The following UBAP2L variants were observed in gnomAD, a reference collection of about 807,000 sequenced individuals.
UBAP2L encodes ubiquitin-associated protein 2-like.
In UBAP2L, 12 loss-of-function variants were observed where a neutral mutation model predicts 130.6. That is an observed-to-expected ratio of 0.09 (90% CI 0.06 to 0.15). The LOEUF (loss-of-function observed/expected upper bound fraction) is 0.15, where lower values mean the gene tolerates loss of function less well. Among genes scored for constraint, UBAP2L ranks in the 10% least tolerant of loss-of-function variants. UBAP2L has a pLI of 1.00. For synonymous variants in UBAP2L, 503 were observed against 524.7 expected, an observed-to-expected ratio of 0.96 and a Z score of 0.57; for missense variants, 965 against 1,332.5, an observed-to-expected ratio of 0.72 and a Z score of 4.29.
intron 21 of UBAP2L, chr1:154,259,693 A>G (rs1284966225): frequency 3.3e-6 from 2 of 598,154 alleles, no homozygotes; most frequent in East Asian, 3.0e-5. Context: ...GGTTGAAAAT[A>G]TTGGTCCTCG....
At chr1:154,241,294 G>A (rs546046914) in intron 8 of UBAP2L, among the ~76,000 whole-genome samples, 1 of 152,172 alleles carries the variant, frequency 6.6e-6, no homozygotes, top group African/African-American at 2.4e-5. Context: ...CTCCATGTTG[G>A]TCAGGCTGGT....
rs2148497242 is a variant in UBAP2L at position 154,227,547 on chromosome 1, TG to T, written c.168+189del. ...TCTAATTTTTTGTAGCCCTTTGTTT[TG>T]TTTTTTGTTTTTTTTTCAGATGAAG... On this transcript the variant is annotated intron_variant, in intron 3 of 26. Coordinates refer to ENST00000428931, the MANE Select transcript of UBAP2L (RefSeq NM_014847.4). Among the ~76,000 whole-genome samples, 3 of 148,480 alleles carry T rather than the reference TG, an allele frequency of 2.0e-5. No individual in the cohort carries two copies. The East Asian group carries it at 7.3e-4, about 36-fold the overall frequency.
rs915223563 is a variant in UBAP2L at position 154,270,764 on chromosome 1, T to C, written c.*469T>C. ...CAGATGAATTAGTTGAAGTGGTTTT[T>C]TTTTTGTTTTTTTTTTTTTTTTGTA... On this transcript the variant is annotated 3_prime_UTR_variant, in exon 27 of 27. Transcript: ENST00000428931. 2 of 1,200,406 alleles carry C rather than the reference T, an allele frequency of 1.7e-6. No homozygotes were observed. The highest frequency in any genetic ancestry group is 2.1e-6 in the Non-Finnish European group (2 of 942,902). 74.4% of individuals were successfully genotyped at this position (1,200,406 alleles called of 1,614,324 possible).
intron 1 of UBAP2L, among the ~76,000 whole-genome samples, chr1:154,222,619 A>G (rs560818435): frequency 1.4e-4 from 22 of 152,334 alleles, no homozygotes; most frequent in Admixed American, 3.9e-4. Context: ...TGCAGGGGCC[A>G]TTTCAACAAA....
Position 154,253,692 on chromosome 1 carries a change from A to G in UBAP2L, c.1665-208A>G, listed in dbSNP as rs532403808. 7.9e-5 allele frequency among the ~76,000 whole-genome samples: 12 copies of G among 152,150 alleles called. No individual in the cohort carries two copies. In the South Asian group the frequency reaches 2.5e-3, roughly 32 times the overall value. The stretch of plus-strand genomic sequence containing the variant: ...CGGCCTAGATGTTTTTTTAAGATTA[A>G]TTCTTAATTCAGATCTCTGGCGCTA... On this transcript the variant is annotated intron_variant, in intron 14 of 26. Transcript: ENST00000428931.
At chr1:154,253,797 A>C (rs1678715413) in intron 14 of UBAP2L, 103 bp from the exon 15 acceptor site, 1 of 1,219,836 alleles carries the variant, frequency 8.2e-7, no homozygotes, top group African/African-American at 1.6e-5. Context: ...TTTCTTCTTG[A>C]TTCAAATCAA....
intron 25 of UBAP2L, among the ~76,000 whole-genome samples, chr1:154,267,963 C>T (rs187580228): frequency 1.4e-4 from 19 of 132,424 alleles, no homozygotes; most frequent in African/African-American, 4.2e-4. Context: ...GATCTGGGCT[C>T]ACCATAACCT....
intron 8 of UBAP2L, among the ~76,000 whole-genome samples, chr1:154,241,085 TG>T (rs2148724513): frequency 6.6e-6 from 1 of 152,156 alleles, no homozygotes; most frequent in African/African-American, 2.4e-5. Context: ...TTTTTTGTTT[TG>T]TTTTTTGTTT....
intron 14 of UBAP2L, among the ~76,000 whole-genome samples, chr1:154,252,180 G>T (rs1389095024): frequency 1.3e-5 from 2 of 151,662 alleles, no homozygotes; most frequent in African/African-American, 4.9e-5. Context: ...TTACCATGTT[G>T]GCCAGGCTGG....
At chr1:154,238,740 T>C (rs1672516544) in intron 8 of UBAP2L, among the ~76,000 whole-genome samples, 1 of 151,904 alleles carries the variant, frequency 6.6e-6, no homozygotes, top group Non-Finnish European at 1.5e-5. Flanking sequence ...TTTTTTTTTC[T>C]TTTCTTTTTT....
chr1:154,261,765 G>T lies in UBAP2L; in HGVS notation c.2902+68G>T, dbSNP rs544619491. The T allele has an allele frequency of 1.6e-5, 24 of 1,509,260 alleles. No homozygotes were observed. In the African/African-American group the frequency reaches 3.2e-4, roughly 20 times the overall value. 93.5% of individuals were successfully genotyped at this position (1,509,260 alleles called of 1,614,324 possible). A position where few individuals can be genotyped will look rare whatever the true frequency, so the allele number is the denominator to read the frequency against. On this transcript the variant is annotated intron_variant, in intron 24 of 26. Coordinates refer to ENST00000428931, the MANE Select transcript of UBAP2L (RefSeq NM_014847.4). Reference sequence around the variant, plus strand: ...TTATTGGATAAATTTCAGGGAGGAAGACTTGGTGCTTGAGAAAATGGGATT... The same window carrying T: ...TTATTGGATAAATTTCAGGGAGGAATACTTGGTGCTTGAGAAAATGGGATT...
intron 18 of UBAP2L, 126 bp downstream of exon 18, chr1:154,255,881 G>T: frequency 3.5e-6 from 4 of 1,149,014 alleles, no homozygotes; most frequent in African/African-American, 3.0e-5. Flanking sequence ...ATTTGAGGTT[G>T]CAGGAAAAGG....
chr1:154,236,553 AT>A lies in UBAP2L; in HGVS notation c.545-11del, dbSNP rs768531533. Reference sequence around the variant, plus strand: ...AATACATCTCTCTTCTCTTTTTCTCATTCTTTCTTTAGGTGGCTCTGGTAGG... The same window carrying A: ...AATACATCTCTCTTCTCTTTTTCTCATCTTTCTTTAGGTGGCTCTGGTAGG... On this transcript the variant is annotated splice_polypyrimidine_tract_variant and intron_variant, in intron 6 of 26. Coordinates refer to ENST00000428931, the MANE Select transcript of UBAP2L (RefSeq NM_014847.4). 1 of 1,613,534 alleles carries A rather than the reference AT, an allele frequency of 6.2e-7. No homozygotes were observed. Among genetic ancestry groups the A allele is most frequent in the Non-Finnish European group, 8.5e-7 (1 of 1,179,804 alleles).
In UBAP2L at chr1:154,261,666, G is replaced by T. The variant is rs138401687; in HGVS notation, c.2871G>T (p.Pro957=). The change falls in exon 24 of 27, where the codon CCG becomes CCT. Residue 957 remains proline (P), a synonymous_variant. Transcript: ENST00000428931. ...VNASATPFQQ[P]SGYGSHGYNT... ...CATCGGCCACCCCTTTCCAACAGCCGAGTGGATATGGGTCTCATGGATACA... is the reference window on the plus strand; with the variant it reads ...CATCGGCCACCCCTTTCCAACAGCCTAGTGGATATGGGTCTCATGGATACA... 1.2e-6 allele frequency: 2 copies of T among 1,614,118 alleles called. No homozygotes were observed. The highest frequency in any genetic ancestry group is 2.7e-5 in the African/African-American group (2 of 75,004).
chr1:154,223,241 A>G (rs1327768434), intron 1 of UBAP2L, among the ~76,000 whole-genome samples: 1 of 152,224 alleles, frequency 6.6e-6, no homozygotes, highest in South Asian at 2.1e-4. Context: ...ACTTTTTAAT[A>G]TGTTTACATC....
rs1679336890 is a variant in UBAP2L, at chr1:154,255,531, C to T, written c.2085-152C>T. ...CATCCACTTTTGCTTTAACTGCTCT[C>T]TACCCCTGGCTGGCCATTGTGCTTA... is the stretch of plus-strand genomic sequence containing the variant. On this transcript the variant is annotated intron_variant, in intron 17 of 26. Transcript: ENST00000428931. 18 of 1,095,884 alleles carry T rather than the reference C, an allele frequency of 1.6e-5. No homozygotes were observed. In the South Asian group the frequency reaches 2.5e-4, roughly 15 times the overall value. 67.9% of individuals were successfully genotyped at this position (1,095,884 alleles called of 1,614,324 possible).
chr1:154,268,144 C>G (rs971316988), intron 25 of UBAP2L, among the ~76,000 whole-genome samples: 1 of 151,678 alleles, frequency 6.6e-6, no homozygotes. Context: ...CTGCATTGGC[C>G]TCCCAAAATG....
intron 25 of UBAP2L, among the ~76,000 whole-genome samples, chr1:154,267,413 C>CA (rs1363701129): frequency 6.6e-6 from 1 of 151,930 alleles, no homozygotes; most frequent in Admixed American, 6.5e-5. Context: ...CTTGGCCTCC[C>CA]AAAGTGCTAG....
At position 154,259,975 on chromosome 1, in the gene UBAP2L, C is replaced by T; in HGVS notation, c.2524C>T (p.Pro842Ser). 6.2e-7 allele frequency: 1 copy of T among 1,614,180 alleles called. No homozygotes were observed. The highest frequency in any genetic ancestry group is 8.5e-7 in the Non-Finnish European group (1 of 1,180,046). ...LDYYSIPFPT[P>S]TTPLTGRDGS... ...TTACTACAGCATCCCATTTCCCACA[C>T]CCACTACTCCGCTGACTGGGAGGGA... The change falls in exon 22 of 27, where the codon CCC (proline) becomes TCC (serine). Residue 842 changes from proline to serine, a missense_variant. Around this residue, in one of 9 missense-constraint regions of UBAP2L, gnomAD observed 194 missense variants for 334.0 expected, o/e 0.58. Coordinates refer to ENST00000428931, the MANE Select transcript of UBAP2L (RefSeq NM_014847.4).
Sources: gnomAD v4.1 joint callset for allele counts (sites outside exome capture counted in the v4.1 genomes callset) on GRCh38, gnomAD v4.1.1 for gene constraint, gnomAD v4.1.1 regional missense constraint, MANE v1.5 for transcripts, NCBI Gene and HGNC (gene_info 2026-07-23, HGNC 2026-07-21) for gene names.